VAX2: variants seen among roughly 807,000 people sequenced by gnomAD.
VAX2 encodes ventral anterior homeobox 2.
Under a neutral mutation model 12.5 loss-of-function variants are expected in VAX2, and 8 were observed. The ratio of observed to expected loss-of-function variants is 0.64; its 90% CI spans 0.37 to 1.15. The LOEUF is 1.15. VAX2 is among the 50% of genes most tolerant of loss of function. VAX2 has a pLI of 0.01. For synonymous variants in VAX2, 183 were observed against 187.6 expected (o/e 0.98, Z 0.20); for missense variants, 476 against 412.9 (o/e 1.15, Z -1.32).
intron 1 of VAX2, among the ~76,000 whole-genome samples, chr2:70,917,613 G>A (rs1679338234): frequency 6.6e-6 from 1 of 152,040 alleles, no homozygotes; most frequent in Non-Finnish European, 1.5e-5. Context: ...CAGCAATGTT[G>A]AACATTTTTC....
intron 1 of VAX2, among the ~76,000 whole-genome samples, chr2:70,917,434 C>A (rs1358529025): frequency 1.3e-5 from 2 of 152,100 alleles, no homozygotes; most frequent in African/African-American, 4.8e-5. Flanking sequence ...ATTTTTAACT[C>A]TTTAAGAAAC....
intron 2 of VAX2, among the ~76,000 whole-genome samples, chr2:70,923,417 C>G (rs1553413122): frequency 6.6e-6 from 1 of 152,172 alleles, no homozygotes; most frequent in Admixed American, 6.5e-5. Context: ...CACCAGCAGG[C>G]AGTGCTCCAA....
In VAX2 at chr2:70,921,329, C is replaced by T. The variant is rs781978476; in HGVS notation, c.435+44C>T. 4.6e-6 allele frequency: 7 copies of T among 1,510,892 alleles called. No individual in the cohort carries two copies. The Middle Eastern group carries it at 9.5e-4, about 206-fold the overall frequency. 93.6% of individuals were successfully genotyped at this position (1,510,892 alleles called of 1,614,324 possible). A position where few individuals can be genotyped will look rare whatever the true frequency, so the allele number is the denominator to read the frequency against. The stretch of plus-strand genomic sequence containing the variant: ...GCCACTCCACTCTTGTCCTGGCAGC[C>T]TGGGAACTCCTGGGGATATGAGGCC... On this transcript the variant is annotated intron_variant, in intron 2 of 2. Transcript: ENST00000234392.
intron 1 of VAX2, among the ~76,000 whole-genome samples, chr2:70,917,485 G>A (rs1330678129): frequency 6.6e-6 from 1 of 152,094 alleles, no homozygotes; most frequent in Admixed American, 6.5e-5. Flanking sequence ...TACCAGCAAT[G>A]TAAGAGAGAT....
chr2:70,910,497 C>T (rs375920823), intron 1 of VAX2, among the ~76,000 whole-genome samples: 1 of 152,196 alleles, frequency 6.6e-6, no homozygotes, highest in African/African-American at 2.4e-5. Flanking sequence ...TGTCATTTCT[C>T]TACGTCCTCC....
chr2:70,908,282 G>A (rs1553410816), intron 1 of VAX2, among the ~76,000 whole-genome samples: 1 of 152,116 alleles, frequency 6.6e-6, no homozygotes, highest in East Asian at 1.9e-4. Flanking sequence ...CACATAGCTG[G>A]GATTACAGGT....
intron 1 of VAX2, among the ~76,000 whole-genome samples, chr2:70,913,096 C>A (rs1679225797): frequency 6.6e-6 from 1 of 152,210 alleles, no homozygotes; most frequent in African/African-American, 2.4e-5. Flanking sequence ...GCAGAGACAA[C>A]CGCAAATTTT....
At chr2:70,905,871 C>G (rs1353176068) in intron 1 of VAX2, among the ~76,000 whole-genome samples, 1 of 152,172 alleles carries the variant, frequency 6.6e-6, no homozygotes. Flanking sequence ...TGCGCAGCAC[C>G]GGTAAGGAGA....
chr2:70,907,366 TTCGGCGGCAGC>T (rs1679084375), intron 1 of VAX2, among the ~76,000 whole-genome samples: 1 of 152,230 alleles, frequency 6.6e-6, no homozygotes, highest in Non-Finnish European at 1.5e-5. Context: ...GCTTTCGGCT[TTCGGCGGCAGC>T]CGGGTGTGAG....
At position 70,925,759 on chromosome 2, in the gene VAX2, T is replaced by G. The variant is rs546565059; in HGVS notation, c.435+4474T>G. Reference sequence around the variant, plus strand: ...CAGGAACCATGGTGTAGCCAGGAATTGGAAGAGACTGGAAGCCAAAGGCTC... The same window carrying G: ...CAGGAACCATGGTGTAGCCAGGAATGGGAAGAGACTGGAAGCCAAAGGCTC... On this transcript the variant is annotated intron_variant, in intron 2 of 2. Transcript: ENST00000234392. 3.9e-5 allele frequency among the ~76,000 whole-genome samples: 6 copies of G among 152,274 alleles called. No individual in the cohort carries two copies. The South Asian group carries it at 1.2e-3, about 32-fold the overall frequency.
intron 1 of VAX2, among the ~76,000 whole-genome samples, chr2:70,906,590 G>A (rs544703389): frequency 1.5e-5 from 2 of 134,330 alleles, no homozygotes; most frequent in South Asian, 4.9e-4. Context: ...GTGCAAGGGT[G>A]CAATCATAGT....
At chr2:70,908,129 A>T (rs1461737409) in intron 1 of VAX2, among the ~76,000 whole-genome samples, 1 of 152,232 alleles carries the variant, frequency 6.6e-6, no homozygotes, top group Non-Finnish European at 1.5e-5. Context: ...GCTTCGAAAG[A>T]TTTACACACA....
chr2:70,927,641 C>G (rs1433481745), intron 2 of VAX2, among the ~76,000 whole-genome samples: 1 of 151,812 alleles, frequency 6.6e-6, no homozygotes, highest in Non-Finnish European at 1.5e-5. Context: ...GACCATGAGC[C>G]CAAAGAAGCT....
In VAX2 at chr2:70,912,056, C is replaced by G. The variant is rs139255831; in HGVS notation, c.248-9042C>G. ...TGAACTAATTGTTCAAAAGCTATGT[C>G]TCTAATAACCCTGTCTTTCCTCCAA... On this transcript the variant is annotated intron_variant, in intron 1 of 2. Coordinates refer to ENST00000234392, the MANE Select transcript of VAX2 (RefSeq NM_012476.3). Among the ~76,000 whole-genome samples, 465 of 152,224 alleles carry G rather than the reference C, an allele frequency of 3.1e-3. 4 individuals carry two copies. The highest frequency in any genetic ancestry group is 0.011 in the African/African-American group (444 of 41,536).
chr2:70,914,643 G>C (rs899205460), intron 1 of VAX2, among the ~76,000 whole-genome samples: 1 of 151,968 alleles, frequency 6.6e-6, no homozygotes, highest in African/African-American at 2.4e-5. Flanking sequence ...AACCTTATGG[G>C]ATATAAAGGG....
chr2:70,920,120 GA>G (rs1679419476), intron 1 of VAX2, among the ~76,000 whole-genome samples: 1 of 152,186 alleles, frequency 6.6e-6, no homozygotes, highest in Admixed American at 6.5e-5. Context: ...CTAAGTAATG[GA>G]AATTCCTGTT....
chr2:70,902,850 G>A (rs928303357), intron 1 of VAX2, among the ~76,000 whole-genome samples: 2 of 152,168 alleles, frequency 1.3e-5, no homozygotes, highest in African/African-American at 4.8e-5. Context: ...TTCAGGGGGT[G>A]TACTTTTATA....
At position 70,933,090 on chromosome 2, in the gene VAX2, C is replaced by A. The variant is rs146481119; in HGVS notation, c.759C>A (p.Ala253=). Residue 253 remains alanine, a synonymous_variant, in exon 3 of 3, where the codon GCC becomes GCA. Coordinates refer to ENST00000234392, the MANE Select transcript of VAX2 (RefSeq NM_012476.3). The part of the protein sequence containing the change: ...PPLPAVCFSS[A]PLLDLPAGYE... Reference sequence around the variant, plus strand: ...TGCCAGCTGTCTGCTTTTCCTCGGCCCCGCTCCTGGATCTGCCTGCCGGCT... The same window carrying A: ...TGCCAGCTGTCTGCTTTTCCTCGGCACCGCTCCTGGATCTGCCTGCCGGCT... The A allele has an allele frequency of 3.7e-6, 6 of 1,610,316 alleles. No individual in the cohort carries two copies. Among genetic ancestry groups the A allele is most frequent in the Non-Finnish European group, 5.1e-6 (6 of 1,178,624 alleles).
intron 1 of VAX2, among the ~76,000 whole-genome samples, chr2:70,918,429 G>A (rs1430228353): frequency 1.3e-5 from 2 of 152,162 alleles, no homozygotes; most frequent in African/African-American, 2.4e-5. Flanking sequence ...GGATTCTCAA[G>A]GTAGGTCCCA....
Sources: allele counts gnomAD v4.1 joint callset (sites outside exome capture counted in the v4.1 genomes callset), GRCh38; gene constraint gnomAD v4.1.1; transcripts MANE v1.5; gene names NCBI Gene and HGNC (gene_info 2026-07-23, HGNC 2026-07-21).